Variants in CAMK2B observed in about 807,000 individuals in gnomAD.
CAMK2B encodes calcium/calmodulin dependent protein kinase II beta.
In CAMK2B, 27 loss-of-function variants were observed where a neutral mutation model predicts 93.7. The observed-to-expected ratio is 0.29, with a 90% CI of 0.21 to 0.40. The LOEUF is 0.40. CAMK2B is among the 10% of genes least tolerant of loss of function. The pLI is 1.00. For synonymous variants in CAMK2B, 374 were observed against 358.8 expected (o/e 1.04, Z -0.48); for missense variants, 568 against 895.8 (o/e 0.63, Z 4.67).
intron 1 of CAMK2B, among the ~76,000 whole-genome samples, chr7:44,317,421 A>G (rs555846684): frequency 1.3e-5 from 2 of 152,288 alleles, no homozygotes; most frequent in Admixed American, 1.3e-4. Flanking sequence ...AAAATAGCTT[A>G]ATAATTTCTG....
rs924281096 is a variant in CAMK2B at position 44,221,988 on chromosome 7, G to A, written c.1598-1087C>T. On this transcript the variant is annotated intron_variant, in intron 20 of 23. Transcript: ENST00000395749. ...TGCCTGTGTTCTCCTCAATCTTGCC[G>A]CATTCACTCTCCTCAGGCAGAACTA... 5.3e-5 allele frequency among the ~76,000 whole-genome samples: 8 copies of A among 152,284 alleles called. No homozygotes were observed. In the South Asian group the frequency reaches 1.5e-3, roughly 28 times the overall value.
At position 44,278,707 on chromosome 7, in the gene CAMK2B, C is replaced by T. The variant is rs1002456515; in HGVS notation, c.160+5424G>A. Reference sequence around the variant, plus strand: ...TCTACGGTCTCAGCAGACCGTCCAGCGCTGTCACCGCCCACCCCAAGAGGC... The same window carrying T: ...TCTACGGTCTCAGCAGACCGTCCAGTGCTGTCACCGCCCACCCCAAGAGGC... On this transcript the variant is annotated intron_variant, in intron 2 of 23. Coordinates refer to ENST00000395749, the MANE Select transcript of CAMK2B (RefSeq NM_001220.5). Among the ~76,000 whole-genome samples the T allele has an allele frequency of 2.6e-5, 4 of 152,214 alleles. No homozygotes were observed. In the South Asian group the frequency reaches 6.2e-4, roughly 24 times the overall value.
intron 4 of CAMK2B, among the ~76,000 whole-genome samples, chr7:44,258,159 G>A (rs1330323699): frequency 6.6e-6 from 1 of 152,208 alleles, no homozygotes; most frequent in Non-Finnish European, 1.5e-5. Context: ...AGGCGGCAGC[G>A]GCCCCAGACA....
intron 19 of CAMK2B, 112 bp from the exon 20 acceptor site, chr7:44,226,756 G>A (rs2096485501): frequency 1.5e-6 from 1 of 683,244 alleles, no homozygotes; most frequent in Non-Finnish European, 2.2e-6. Context: ...GGCAGATGTG[G>A]GGGATGGGGC....
chr7:44,296,041 T>C (rs1244190935), intron 1 of CAMK2B, among the ~76,000 whole-genome samples: 1 of 152,108 alleles, frequency 6.6e-6, no homozygotes, highest in Non-Finnish European at 1.5e-5. Flanking sequence ...ACCCGGTACA[T>C]CATGTCCAGC....
intron 1 of CAMK2B, among the ~76,000 whole-genome samples, chr7:44,310,349 C>T (rs1793200875): frequency 6.6e-6 from 1 of 152,168 alleles, no homozygotes; most frequent in Admixed American, 6.5e-5. Context: ...GAACCACTTC[C>T]TGGGGCCGGA....
At chr7:44,306,132 T>C (rs4406314) in intron 1 of CAMK2B, among the ~76,000 whole-genome samples, 150,051 of 152,124 alleles carry the variant, frequency 0.99, 74,044 homozygotes, top group Middle Eastern at 1. Context: ...CCCATGGGAG[T>C]GAGAGAGGAG....
At chr7:44,261,716 T>C (rs1244600108) in intron 3 of CAMK2B, among the ~76,000 whole-genome samples, 1 of 152,240 alleles carries the variant, frequency 6.6e-6, no homozygotes, top group East Asian at 1.9e-4. Flanking sequence ...AAAACCTAAC[T>C]GGCACATCAG....
chr7:44,287,792 C>T (rs1182342168), intron 1 of CAMK2B, among the ~76,000 whole-genome samples: 1 of 152,254 alleles, frequency 6.6e-6, no homozygotes, highest in East Asian at 1.9e-4. Flanking sequence ...CAGCTCCCCG[C>T]TTTCCCAGCT....
At chr7:44,295,150 T>A (rs1787958019) in intron 1 of CAMK2B, among the ~76,000 whole-genome samples, 2 of 152,202 alleles carry the variant, frequency 1.3e-5, no homozygotes, top group South Asian at 4.1e-4. Context: ...GGTGCCTACC[T>A]CAAATCACAC....
chr7:44,282,137 G>A (rs879616996), intron 2 of CAMK2B, among the ~76,000 whole-genome samples: 1 of 152,234 alleles, frequency 6.6e-6, no homozygotes, highest in Admixed American at 6.5e-5. Context: ...CCCTGTGACA[G>A]GCAGGGAGTG....
intron 1 of CAMK2B, among the ~76,000 whole-genome samples, chr7:44,314,196 T>C (rs987890121): frequency 6.6e-6 from 1 of 152,234 alleles, no homozygotes; most frequent in Non-Finnish European, 1.5e-5. Context: ...TCAACAAATA[T>C]ATTGAGAGTT....
chr7:44,324,709 T>C (rs1361606259), intron 1 of CAMK2B, among the ~76,000 whole-genome samples: 1 of 152,108 alleles, frequency 6.6e-6, no homozygotes, highest in African/African-American at 2.4e-5. Flanking sequence ...GCTATCCCCA[T>C]GACCTGATCC....
chr7:44,219,586 C>A, intron 23 of CAMK2B, 64 bp from the exon 24 acceptor site: 1 of 158,480 alleles, frequency 6.3e-6, no homozygotes. Flanking sequence ...CCAGGCTCTG[C>A]TGTCTGCCAT....
intron 5 of CAMK2B, among the ~76,000 whole-genome samples, chr7:44,247,399 C>T (rs112673478): frequency 6.6e-6 from 1 of 152,316 alleles, no homozygotes; most frequent in Non-Finnish European, 1.5e-5. Flanking sequence ...CCCTGCCTTC[C>T]CCTCTGGGCC....
chr7:44,304,118 A>G (rs928931299), intron 1 of CAMK2B, among the ~76,000 whole-genome samples: 1 of 152,240 alleles, frequency 6.6e-6, no homozygotes, highest in Non-Finnish European at 1.5e-5. Flanking sequence ...AATGTGGAGC[A>G]ACAGGAATTC....
In CAMK2B at chr7:44,311,924, G is replaced by C. The variant is rs1196533913; in HGVS notation, c.65+13433C>G. Among the ~76,000 whole-genome samples the C allele has an allele frequency of 6.6e-6, 1 of 152,176 alleles. No individual in the cohort carries two copies. The highest frequency in any genetic ancestry group is 2.4e-5 in the African/African-American group (1 of 41,442). On this transcript the variant is annotated intron_variant, in intron 1 of 23. Transcript: ENST00000395749. This position sits in a 1 kb window ranked among gnomAD's most constrained non-coding sequence, Gnocchi z 4.2. ...AAGAGGTGACCCTTCTCCTGCCCAG[G>C]GTCATACAACGGGGCCCAAATGAGG...
intron 4 of CAMK2B, among the ~76,000 whole-genome samples, chr7:44,258,226 T>C (rs539898985): frequency 4.8e-4 from 73 of 152,372 alleles, no homozygotes; most frequent in African/African-American, 1.7e-3. Flanking sequence ...TGCACATTCA[T>C]GCAAACACAC....
intron 1 of CAMK2B, among the ~76,000 whole-genome samples, chr7:44,293,579 G>A (rs1787448997): frequency 6.6e-6 from 1 of 152,184 alleles, no homozygotes; most frequent in Admixed American, 6.5e-5. Flanking sequence ...GCAAGGGCTA[G>A]GGGAAAATAG....
Sources: gnomAD v4.1 joint callset for allele counts (sites outside exome capture counted in the v4.1 genomes callset) on GRCh38, gnomAD v4.1.1 for gene constraint, Gnocchi (gnomAD v3.1) non-coding constraint, MANE v1.5 for transcripts, NCBI Gene and HGNC (gene_info 2026-07-23, HGNC 2026-07-21) for gene names.